ZNF423: variants seen among roughly 807,000 people sequenced by gnomAD.
ZNF423 encodes the protein Ebf-associated zinc finger protein.
In ZNF423, 12 loss-of-function variants were observed where a neutral mutation model predicts 95.8. The observed-to-expected ratio is 0.13, with a 90% CI of 0.08 to 0.20. The LOEUF is 0.20. Among genes scored for constraint, ZNF423 ranks in the 10% least tolerant of loss-of-function variants. The pLI is 1.00. For missense variants in ZNF423, 1,316 were observed against 1,737.1 expected, an observed-to-expected ratio of 0.76 and a Z score of 4.31; for synonymous variants, 749 against 711.9, an observed-to-expected ratio of 1.05 and a Z score of -0.83.
rs549913374 is a variant in ZNF423, at chr16:49,634,030, G to A, written c.3516+1630C>T. On this transcript the variant is annotated intron_variant, in intron 4 of 7. Transcript: ENST00000563137. ...CAAGCAATTCTCCTGCCTCAGCCTCGTGAGTATCTGGGACTACAGGTGTAT... is the reference window on the plus strand; with the variant it reads ...CAAGCAATTCTCCTGCCTCAGCCTCATGAGTATCTGGGACTACAGGTGTAT... 2.9e-4 allele frequency among the ~76,000 whole-genome samples: 44 copies of A among 151,068 alleles called. 1 individual carries two copies. The highest frequency in any genetic ancestry group is 3.4e-3 in the Middle Eastern group (1 of 290).
chr16:49,537,994 T>C (rs895282115), intron 5 of ZNF423, among the ~76,000 whole-genome samples: 1 of 152,206 alleles, frequency 6.6e-6, no homozygotes, highest in African/African-American at 2.4e-5. Context: ...AGCCCTCCTG[T>C]CTGCCCTTGG....
intron 5 of ZNF423, among the ~76,000 whole-genome samples, chr16:49,539,861 A>G (rs1969188625): frequency 6.6e-6 from 1 of 152,112 alleles, no homozygotes; most frequent in Non-Finnish European, 1.5e-5. Flanking sequence ...TCCAGGGGAA[A>G]TGCCATGGAC....
At chr16:49,530,444 G>GTCCC (rs903531759) in intron 5 of ZNF423, among the ~76,000 whole-genome samples, 16 of 151,810 alleles carry the variant, frequency 1.1e-4, no homozygotes, top group African/African-American at 3.6e-4. Flanking sequence ...CATTCCCTCC[G>GTCCC]TCCCTCCCTC....
chr16:49,768,870 C>T (rs893403925), intron 2 of ZNF423, among the ~76,000 whole-genome samples: 3 of 152,136 alleles, frequency 2.0e-5, no homozygotes, highest in African/African-American at 7.2e-5. Context: ...TCAAGCTTAT[C>T]ATGGACAAGC....
intron 3 of ZNF423, among the ~76,000 whole-genome samples, chr16:49,699,841 G>A (rs960068170): frequency 6.6e-6 from 1 of 152,066 alleles, no homozygotes; most frequent in Non-Finnish European, 1.5e-5. Flanking sequence ...TTTATCTTAC[G>A]GCTCTTCCAC....
chr16:49,730,532 G>A (rs748103313), intron 3 of ZNF423: 260 of 561,190 alleles, frequency 4.6e-4, no homozygotes, highest in Non-Finnish European at 6.4e-4. Context: ...CACAGCTTGC[G>A]GGGAGAGGGG....
chr16:49,841,904 A>AT (rs1567368061), intron 1 of ZNF423, among the ~76,000 whole-genome samples: 2 of 152,146 alleles, frequency 1.3e-5, no homozygotes, highest in Non-Finnish European at 2.9e-5. Flanking sequence ...AGAAATGCCC[A>AT]TATCTCCAAG....
chr16:49,759,355 A>T (rs1490233605), intron 2 of ZNF423, among the ~76,000 whole-genome samples: 1 of 151,736 alleles, frequency 6.6e-6, no homozygotes, highest in Non-Finnish European at 1.5e-5. Flanking sequence ...GCCAAGATCG[A>T]GCCACTGCAC....
intron 5 of ZNF423, among the ~76,000 whole-genome samples, chr16:49,567,744 C>G (rs1285422912): frequency 6.6e-6 from 1 of 152,196 alleles, no homozygotes; most frequent in Non-Finnish European, 1.5e-5. Flanking sequence ...GCCCATGTGG[C>G]CTCCACCAGG....
Position 49,832,634 on chromosome 16 carries a change from G to A in ZNF423, c.40+23101C>T, listed in dbSNP as rs118164792. The stretch of plus-strand genomic sequence containing the variant: ...TATGACAGGTCAGAACAGAGCACCC[G>A]AGGGGCCAGGTGAATCGCTGACTTC... On this transcript the variant is annotated intron_variant, in intron 1 of 7. Transcript: ENST00000563137. Among the ~76,000 whole-genome samples, 115 of 152,306 alleles carry A rather than the reference G, an allele frequency of 7.6e-4. 2 individuals carry two copies. The East Asian group carries it at 0.018, about 24-fold the overall frequency.
chr16:49,522,942 T>A (rs1167783397), intron 7 of ZNF423, among the ~76,000 whole-genome samples: 5 of 152,182 alleles, frequency 3.3e-5, no homozygotes, highest in Non-Finnish European at 7.3e-5. Flanking sequence ...CAGATCTTGT[T>A]CCTTGGAAAA....
Position 49,666,282 on chromosome 16 carries a change from T to G in ZNF423, c.302-27408A>C, listed in dbSNP as rs368370499. Among the ~76,000 whole-genome samples the G allele has an allele frequency of 5.9e-5, 9 of 152,358 alleles. No homozygotes were observed. In the East Asian group the frequency reaches 7.7e-4, roughly 13 times the overall value. The stretch of plus-strand genomic sequence containing the variant: ...AACTGTAGCCCCTACCATACGTTAC[T>G]GGGGCCCTGCTCCCAATCCTCACGC... On this transcript the variant is annotated intron_variant, in intron 3 of 7. Transcript: ENST00000563137.
intron 1 of ZNF423, among the ~76,000 whole-genome samples, chr16:49,807,214 G>A (rs1231506514): frequency 6.6e-6 from 1 of 152,086 alleles, no homozygotes; most frequent in African/African-American, 2.4e-5. Flanking sequence ...GGCGGATCAT[G>A]AGGTCAGGAG....
At chr16:49,774,315 C>T (rs1248186799) in intron 2 of ZNF423, among the ~76,000 whole-genome samples, 4 of 152,240 alleles carry the variant, frequency 2.6e-5, no homozygotes, top group African/African-American at 9.6e-5. Context: ...GAGGACAGCT[C>T]ACCATGGAAA....
chr16:49,644,354 T>C (rs1205372349), intron 3 of ZNF423, among the ~76,000 whole-genome samples: 1 of 151,652 alleles, frequency 6.6e-6, no homozygotes, highest in Non-Finnish European at 1.5e-5. Flanking sequence ...TCCATCTGTG[T>C]GAATAAAAAT....
intron 3 of ZNF423, among the ~76,000 whole-genome samples, chr16:49,659,516 C>G (rs2030085474): frequency 6.6e-6 from 1 of 152,238 alleles, no homozygotes; most frequent in Non-Finnish European, 1.5e-5. Context: ...GGGACTTGCC[C>G]CAGGGCAGAG....
intron 3 of ZNF423, among the ~76,000 whole-genome samples, chr16:49,647,819 T>A (rs1973236279): frequency 6.6e-6 from 1 of 152,244 alleles, no homozygotes. Flanking sequence ...TTTAAGCCAC[T>A]GTGCTTATGG....
intron 3 of ZNF423, among the ~76,000 whole-genome samples, chr16:49,654,261 C>A (rs1019362866): frequency 1.1e-4 from 16 of 152,242 alleles, no homozygotes; most frequent in African/African-American, 3.9e-4. Flanking sequence ...CCCGAAAGCC[C>A]AACCCATGAC....
Position 49,637,944 on chromosome 16 carries a change from C to T in ZNF423, c.1232G>A (p.Gly411Asp), listed in dbSNP as rs751726178. 6.2e-7 allele frequency: 1 copy of T among 1,614,000 alleles called. No individual in the cohort carries two copies. The highest frequency in any genetic ancestry group is 1.3e-5 in the African/African-American group (1 of 74,934). ...GQKKMRDDGQ[G>D]WTKVVYSCPY... ...GCAGCTATAGACCACCTTGGTCCAG[C>T]CCTGCCCGTCATCCCGCATCTTCTT... The change falls in exon 4 of 8, where the codon GGC (glycine) becomes GAC (aspartate). Residue 411 changes from glycine to aspartate, a missense_variant. Coordinates refer to ENST00000563137, the MANE Select transcript of ZNF423 (RefSeq NM_001379286.1). The surrounding 1 kb of genome is among the most constrained non-coding windows in gnomAD (Gnocchi z 5.6).
Sources: allele counts gnomAD v4.1 joint callset (sites outside exome capture counted in the v4.1 genomes callset), GRCh38; gene constraint gnomAD v4.1.1; non-coding constraint Gnocchi (gnomAD v3.1); transcripts MANE v1.5; gene names NCBI Gene and HGNC (gene_info 2026-07-23, HGNC 2026-07-21).